CDYL: variants seen among roughly 807,000 people sequenced by gnomAD.
The protein encoded by CDYL is chromodomain Y like, also known as chromodomain Y-like protein.
In CDYL, 8 loss-of-function variants were observed where a neutral mutation model predicts 47.3. The ratio of observed to expected loss-of-function variants is 0.17; its 90% CI spans 0.10 to 0.31. The LOEUF is 0.31. Among genes scored for constraint, CDYL ranks in the 10% least tolerant of loss-of-function variants. The pLI is 1.00. For missense variants in CDYL, 471 were observed against 701.4 expected, an observed-to-expected ratio of 0.67 and a Z score of 3.71; for synonymous variants, 266 against 265.0, an observed-to-expected ratio of 1.00 and a Z score of -0.04.
chr6:4,780,135 G>C (rs750651424), intron 1 of CDYL, among the ~76,000 whole-genome samples: 15 of 152,088 alleles, frequency 9.9e-5, no homozygotes, highest in Non-Finnish European at 1.3e-4. Context: ...ATGTATGGAA[G>C]TTAGACGGTA....
chr6:4,809,334 TC>T (rs1759460345), intron 1 of CDYL, among the ~76,000 whole-genome samples: 2 of 152,182 alleles, frequency 1.3e-5, no homozygotes, highest in African/African-American at 2.4e-5. Context: ...TCAACCACTC[TC>T]CTATGTATGG....
intron 3 of CDYL, among the ~76,000 whole-genome samples, chr6:4,762,051 G>A (rs1758183052): frequency 6.6e-6 from 1 of 152,186 alleles, no homozygotes; most frequent in South Asian, 2.1e-4. Flanking sequence ...AGAAGGCGGA[G>A]AGAACAACAT....
At chr6:4,893,733 G>A (rs1762118589) in intron 2 of CDYL, among the ~76,000 whole-genome samples, 3 of 151,806 alleles carry the variant, frequency 2.0e-5, no homozygotes, top group African/African-American at 4.8e-5. Context: ...CTTTACCTGT[G>A]TGTGTCTCCT....
chr6:4,713,588 T>TA (rs1757196753), intron 1 of CDYL, among the ~76,000 whole-genome samples: 2 of 53,824 alleles, frequency 3.7e-5, no homozygotes, highest in South Asian at 1.2e-3. Flanking sequence ...TCATTTAGAT[T>TA]CTTTTTTTTT....
Position 4,787,311 on chromosome 6 carries a change from G to A in CDYL, c.24+10504G>A, listed in dbSNP as rs544110481. The stretch of plus-strand genomic sequence containing the variant: ...CCCTTCCTTCAGAGTGCACCTAGAC[G>A]AGTCAGAGTCAGAGTTTCCCCAGAA... On this transcript the variant is annotated intron_variant, in intron 1 of 6. Transcript: ENST00000397588. Among the ~76,000 whole-genome samples the A allele has an allele frequency of 1.5e-4, 23 of 152,106 alleles. 1 individual carries two copies. The highest frequency in any genetic ancestry group is 2.9e-4 in the Non-Finnish European group (20 of 68,034).
Position 4,776,698 on chromosome 6 carries a change from G to T in CDYL, c.-86G>T. 1.6e-6 allele frequency: 2 copies of T among 1,226,760 alleles called. No homozygotes were observed. Among genetic ancestry groups the T allele is most frequent in the South Asian group, 1.4e-5 (1 of 71,358 alleles). 76.0% of individuals were successfully genotyped at this position (1,226,760 alleles called of 1,614,324 possible). ...GGGAGCAGGAAGCGCAGGCCACGCAGGACCCAACTGAAACAAAGTGTCGGC... is the reference window on the plus strand; with the variant it reads ...GGGAGCAGGAAGCGCAGGCCACGCATGACCCAACTGAAACAAAGTGTCGGC... On this transcript the variant is annotated 5_prime_UTR_variant, in exon 1 of 7. The change creates a new upstream start codon in the 5' untranslated region. Transcript: ENST00000397588.
chr6:4,764,907 CAT>C (rs1561840990), intron 3 of CDYL, among the ~76,000 whole-genome samples: 1 of 152,148 alleles, frequency 6.6e-6, no homozygotes, highest in Non-Finnish European at 1.5e-5. Flanking sequence ...CTAAAAAATA[CAT>C]AGTCTTTTGA....
At chr6:4,937,486 ACT>A (rs2127520993) in intron 3 of CDYL, 77 bp from the exon 4 acceptor site, 3 of 1,132,754 alleles carry the variant, frequency 2.6e-6, no homozygotes, top group South Asian at 1.8e-5. Context: ...ACAGAGTGAG[ACT>A]CTCTCCAAAA....
In CDYL at chr6:4,735,299, G is replaced by GA. The variant is rs201625611; in HGVS notation, c.186+465dup. 7.0e-3 allele frequency among the ~76,000 whole-genome samples: 966 copies of GA among 137,582 alleles called. 29 individuals are homozygous for GA. Among genetic ancestry groups the GA allele is most frequent in the Admixed American group, 0.046 (640 of 13,962 alleles). The allele number at this position is 137,582 out of a possible 152,430, so 90.3% of individuals were successfully genotyped here. On this transcript the variant is annotated intron_variant, in intron 3 of 8. Coordinates refer to the CDYL transcript ENST00000328908. ...CAGCGAAACTCTGTCTCAAAAAAAAGAAAAAAAAAAGGACGTTTTTAAGTT... is the reference window on the plus strand; with the variant it reads ...CAGCGAAACTCTGTCTCAAAAAAAAGAAAAAAAAAAAGGACGTTTTTAAGTT...
intron 1 of CDYL, among the ~76,000 whole-genome samples, chr6:4,816,757 G>A (rs914360401): frequency 6.6e-6 from 1 of 152,046 alleles, no homozygotes; most frequent in African/African-American, 2.4e-5. Context: ...CCAAAGTGCT[G>A]GGATTACAGG....
chr6:4,809,722 A>G lies in CDYL; in HGVS notation c.24+32915A>G, dbSNP rs559467771. Among the ~76,000 whole-genome samples the G allele has an allele frequency of 6.6e-4, 87 of 132,732 alleles. 1 individual carries two copies. Among genetic ancestry groups the G allele is most frequent in the Admixed American group, 1.2e-3 (16 of 13,068 alleles). The allele number at this position is 132,732 out of a possible 152,430, so 87.1% of individuals were successfully genotyped here. A position where few individuals can be genotyped will look rare whatever the true frequency, so the allele number is the denominator to read the frequency against. On this transcript the variant is annotated intron_variant, in intron 1 of 6. Coordinates refer to ENST00000397588, the MANE Select transcript of CDYL (RefSeq NM_004824.4). Reference sequence around the variant, plus strand: ...ATATTAGTCCTTGGCGATACTTTGTATGGTAGGGGTATTATATTAGTCCTT... The same window carrying G: ...ATATTAGTCCTTGGCGATACTTTGTGTGGTAGGGGTATTATATTAGTCCTT...
intron 2 of CDYL, among the ~76,000 whole-genome samples, chr6:4,719,137 C>T (rs576447840): frequency 5.8e-4 from 89 of 152,202 alleles, no homozygotes; most frequent in South Asian, 2.3e-3. Context: ...GTTGGCCAGG[C>T]TGGTCTCGAA....
intron 1 of CDYL, among the ~76,000 whole-genome samples, chr6:4,713,464 TG>T (rs1757192469): frequency 1.3e-5 from 2 of 152,188 alleles, no homozygotes; most frequent in East Asian, 3.8e-4. Context: ...TCAAATTCCA[TG>T]GAGGTGACTA....
At chr6:4,900,781 A>G (rs2027421) in intron 2 of CDYL, among the ~76,000 whole-genome samples, 23,288 of 32,250 alleles carry the variant, frequency 0.72, 7,550 homozygotes, top group South Asian at 0.81. Flanking sequence ...ATACGTGTGT[A>G]TATATATATA....
chr6:4,949,764 G>C (rs560701293), intron 5 of CDYL, among the ~76,000 whole-genome samples: 1 of 152,242 alleles, frequency 6.6e-6, no homozygotes, highest in Non-Finnish European at 1.5e-5. Flanking sequence ...CGCAAATTGC[G>C]TGTATTTAAT....
At chr6:4,840,470 C>T (rs894915766) in intron 1 of CDYL, among the ~76,000 whole-genome samples, 2 of 152,050 alleles carry the variant, frequency 1.3e-5, no homozygotes, top group Non-Finnish European at 1.5e-5. Flanking sequence ...TGGGCATCCT[C>T]GTCTTGTTCC....
At chr6:4,714,242 C>T (rs75817162) in intron 1 of CDYL, 6,878 of 151,838 alleles carry the variant, frequency 0.045, 170 homozygotes, top group African/African-American at 0.069. Flanking sequence ...ACACCTGACA[C>T]TAATATGTCT....
In CDYL at chr6:4,891,796, C is replaced by T. The variant is rs749903480; in HGVS notation, c.108C>T (p.Asp36=). The T allele has an allele frequency of 4.6e-5, 75 of 1,613,942 alleles. 1 individual carries two copies. The highest frequency in any genetic ancestry group is 8.0e-5 in the African/African-American group (6 of 74,882). ...GGTGGAAAGGCTATGACAGCGAGGACGACACTTGGGAGCCGGAACAGCACC... is the reference window on the plus strand; with the variant it reads ...GGTGGAAAGGCTATGACAGCGAGGATGACACTTGGGAGCCGGAACAGCACC... ...LVRWKGYDSE[D]DTWEPEQHLV... The change falls in exon 2 of 7, where the codon GAC becomes GAT. Residue 36 remains aspartate, a synonymous_variant. Coordinates refer to ENST00000397588, the MANE Select transcript of CDYL (RefSeq NM_004824.4).
chr6:4,707,411 G>A (rs1757066851), intron 1 of CDYL, among the ~76,000 whole-genome samples: 1 of 152,132 alleles, frequency 6.6e-6, no homozygotes, highest in Non-Finnish European at 1.5e-5. Context: ...CTGAGTAGCT[G>A]GGACTACAGG....
Sources: gnomAD v4.1 joint callset for allele counts (sites outside exome capture counted in the v4.1 genomes callset) on GRCh38, gnomAD v4.1.1 for gene constraint, MANE v1.5 for transcripts, NCBI Gene and HGNC (gene_info 2026-07-23, HGNC 2026-07-21) for gene names.